DMD: variants seen among roughly 807,000 people sequenced by gnomAD.
DMD encodes mutant dystrophin.
Under a neutral mutation model 330.1 loss-of-function variants are expected in DMD, and 63 were observed. The observed-to-expected ratio is 0.19, with a 90% confidence interval of 0.16 to 0.24. The LOEUF is 0.24. Ranked by LOEUF, DMD falls within the 10% of genes least tolerant of loss-of-function variation. DMD has a pLI of 1.00. For missense variants in DMD, 3,344 were observed against 2,684.1 expected, an observed-to-expected ratio of 1.25 and a Z score of -5.43; for synonymous variants, 1,223 against 959.8, an observed-to-expected ratio of 1.27 and a Z score of -5.07.
intron 42 of DMD, among the ~76,000 whole-genome samples, chrX:32,296,426 C>G (rs1276694524): frequency 9.0e-6 from 1 of 110,548 alleles, no homozygotes; most frequent in Non-Finnish European, 1.9e-5. Flanking sequence ...AACATCACTT[C>G]CTCTGTCCCG....
At chrX:33,230,930 T>A (rs186154884) in intron 1 of DMD, among the ~76,000 whole-genome samples, 5 of 107,909 alleles carry the variant, frequency 4.6e-5, no homozygotes, top group Admixed American at 3.0e-4. Flanking sequence ...TGAGCTAGTT[T>A]ATGTGCTATG....
intron 45 of DMD, among the ~76,000 whole-genome samples, chrX:31,953,749 T>C (rs1321588413): frequency 8.9e-6 from 1 of 111,844 alleles, no homozygotes; most frequent in Non-Finnish European, 1.9e-5. Flanking sequence ...TCTATAAATA[T>C]GTACTATTAT....
At chrX:31,620,118 A>T (rs892036330) in intron 55 of DMD, among the ~76,000 whole-genome samples, 2 of 111,920 alleles carry the variant, frequency 1.8e-5, no homozygotes, top group African/African-American at 6.5e-5. Flanking sequence ...AACTAAATAT[A>T]GCAAGAAGAC....
intron 13 of DMD, among the ~76,000 whole-genome samples, chrX:32,592,983 T>A (rs1377860278): frequency 8.8e-6 from 1 of 113,023 alleles, no homozygotes; most frequent in Non-Finnish European, 1.9e-5. Context: ...GGCATGCCTG[T>A]CTGTGCACAG....
At chrX:31,746,695 A>C (rs185245283) in intron 51 of DMD, among the ~76,000 whole-genome samples, 70 of 111,082 alleles carry the variant, frequency 6.3e-4, no homozygotes, top group African/African-American at 2.2e-3. Context: ...ATGGTGAACA[A>C]CCATGTGTTC....
intron 44 of DMD, among the ~76,000 whole-genome samples, chrX:32,009,804 A>C (rs759835438): frequency 9.0e-6 from 1 of 111,661 alleles, no homozygotes; most frequent in Non-Finnish European, 1.9e-5. Context: ...AAATGACCCA[A>C]ATTTATTTGA....
intron 13 of DMD, among the ~76,000 whole-genome samples, chrX:32,594,453 T>TA (rs2055290693): frequency 9.0e-6 from 1 of 111,150 alleles, no homozygotes. Context: ...GACTCTGCTC[T>TA]AATAAAAAGC....
At chrX:31,730,980 T>C (rs2086461771) in intron 51 of DMD, among the ~76,000 whole-genome samples, 1 of 111,967 alleles carries the variant, frequency 8.9e-6, no homozygotes, top group Non-Finnish European at 1.9e-5. Flanking sequence ...CAAATTTTGA[T>C]CATTCTGTAG....
At chrX:31,428,064 A>G (rs1342633466) in intron 60 of DMD, among the ~76,000 whole-genome samples, 1 of 112,086 alleles carries the variant, frequency 8.9e-6, no homozygotes, top group Non-Finnish European at 1.9e-5. Context: ...TTGCAAGACC[A>G]TGTGCCAGAT....
intron 45 of DMD, among the ~76,000 whole-genome samples, chrX:31,940,744 G>A (rs1603616897): frequency 9.1e-6 from 1 of 110,006 alleles, no homozygotes. Flanking sequence ...AAGCGAGGGA[G>A]GAGGCCATGC....
intron 44 of DMD, among the ~76,000 whole-genome samples, chrX:32,162,348 G>T (rs1239626792): frequency 9.0e-6 from 1 of 110,652 alleles, no homozygotes; most frequent in African/African-American, 3.3e-5. Flanking sequence ...ATACAGAAGT[G>T]CCAGAGTGTG....
intron 44 of DMD, among the ~76,000 whole-genome samples, chrX:32,156,294 C>A (rs948918117): frequency 8.9e-6 from 1 of 111,934 alleles, no homozygotes; most frequent in African/African-American, 3.2e-5. Flanking sequence ...GTAGGAGAAT[C>A]TTTTGAACCC....
chrX:32,408,278 T>A (rs1409297258), intron 30 of DMD, among the ~76,000 whole-genome samples: 1 of 111,658 alleles, frequency 9.0e-6, no homozygotes, highest in Non-Finnish European at 1.9e-5. Flanking sequence ...ATAAGTAACA[T>A]AATTTTAAAT....
chrX:31,392,598 G>A (rs1255386914), intron 60 of DMD, among the ~76,000 whole-genome samples: 3 of 111,917 alleles, frequency 2.7e-5, no homozygotes, highest in East Asian at 2.8e-4. Flanking sequence ...TGACTGAAGC[G>A]CGAACTGTGT....
At chrX:33,093,847 T>C (rs754195965) in intron 1 of DMD, among the ~76,000 whole-genome samples, 8 of 111,315 alleles carry the variant, frequency 7.2e-5, no homozygotes, top group Non-Finnish European at 1.3e-4. Flanking sequence ...TTATATTATA[T>C]ATAGATATAA....
At chrX:31,208,030 T>C (rs1389365887) in intron 65 of DMD, among the ~76,000 whole-genome samples, 1 of 111,745 alleles carries the variant, frequency 8.9e-6, no homozygotes, top group Non-Finnish European at 1.9e-5. Flanking sequence ...CTTTCAATAG[T>C]TTTTTGGCTT....
intron 11 of DMD, among the ~76,000 whole-genome samples, chrX:32,622,156 CACTTACAGAGAGAAGTGTG>C (rs2058041794): frequency 9.0e-6 from 1 of 111,457 alleles, no homozygotes; most frequent in South Asian, 3.8e-4. Context: ...ACTTCACCTC[CACTTACAGAGAGAAGTGTG>C]ACTGCCAACT....
Position 32,839,156 on chromosome X carries a change from C to A in DMD, c.264+5627G>T, listed in dbSNP as rs181395857. Among the ~76,000 whole-genome samples the A allele has an allele frequency of 2.7e-3, 304 of 111,146 alleles. 3 individuals are homozygous for A. Among genetic ancestry groups the A allele is most frequent in the African/African-American group, 9.5e-3 (291 of 30,589 alleles). On this transcript the variant is annotated intron_variant, in intron 4 of 78. Coordinates refer to ENST00000357033, the MANE Select transcript of DMD (RefSeq NM_004006.3). ...CCATGCTTTCTTCTTCTCACCCCCA[C>A]CTTACTACCTCTCTGCTCCCCTATC...
chrX:31,121,183 G>T lies in DMD; in HGVS notation c.*736C>A, dbSNP rs748922256. 9.0e-6 allele frequency: 1 copy of T among 111,383 alleles called. No homozygotes were observed. Among genetic ancestry groups the T allele is most frequent in the East Asian group, 2.8e-4 (1 of 3,555 alleles). 9.2% of individuals were successfully genotyped at this position (111,383 alleles called of 1,213,427 possible). A position where few individuals can be genotyped will look rare whatever the true frequency, so the allele number is the denominator to read the frequency against. On this transcript the variant is annotated 3_prime_UTR_variant, in exon 79 of 79. Coordinates refer to ENST00000357033, the MANE Select transcript of DMD (RefSeq NM_004006.3). ...AAAAAATGGAAAAAGTCAGTCTATAGAAATTCGTATCTCTTTATCTATATA... is the reference window on the plus strand; with the variant it reads ...AAAAAATGGAAAAAGTCAGTCTATATAAATTCGTATCTCTTTATCTATATA...
Sources: gnomAD v4.1 joint callset for allele counts (sites outside exome capture counted in the v4.1 genomes callset) on GRCh38, gnomAD v4.1.1 for gene constraint, MANE v1.5 for transcripts, NCBI Gene and HGNC (gene_info 2026-07-23, HGNC 2026-07-21) for gene names.